The following RPS6KC1 variants were observed in gnomAD, a reference collection of about 807,000 sequenced individuals.
RPS6KC1 encodes the protein ribosomal protein S6 kinase C1.
Under a neutral mutation model 103.8 loss-of-function variants are expected in RPS6KC1, and 54 were observed. The observed-to-expected ratio is 0.52, with a 90% CI of 0.42 to 0.65. The LOEUF (loss-of-function observed/expected upper bound fraction) is 0.65, where lower values mean the gene tolerates loss of function less well. Ranked by LOEUF, RPS6KC1 falls within the 30% of genes least tolerant of loss-of-function variation. The pLI is 0.00. For synonymous variants in RPS6KC1, 439 were observed against 438.7 expected (o/e 1.00, Z -0.01); for missense variants, 1,151 against 1,253.8 (o/e 0.92, Z 1.24).
the RPS6KC1 span, chr1:213,820,270 G>A: frequency 1.4e-4 from 22 of 152,234 alleles, no homozygotes; most frequent in Admixed American, 1.4e-3. Context: ...GTGAAGAGGA[G>A]CTCTGCCTTC....
the RPS6KC1 span, among the ~76,000 whole-genome samples, chr1:213,530,188 T>G: frequency 6.6e-6 from 1 of 152,290 alleles, no homozygotes; most frequent in African/African-American, 2.4e-5. Context: ...TAAGACTAGC[T>G]CTTTCATTTT....
intron 8 of RPS6KC1, among the ~76,000 whole-genome samples, chr1:213,205,978 A>G (rs1020124530): frequency 1.3e-5 from 2 of 152,160 alleles, no homozygotes; most frequent in Non-Finnish European, 1.5e-5. Flanking sequence ...TTGGTGCTCA[A>G]AAAGTTTTAG....
chr1:213,493,813 T>C, the RPS6KC1 span, among the ~76,000 whole-genome samples: 5 of 152,128 alleles, frequency 3.3e-5, no homozygotes, highest in African/African-American at 4.8e-5. Flanking sequence ...TGTAGGGAAA[T>C]ACAGAGAGCA....
At chr1:213,257,345 T>C (rs2094671823) in intron 12 of RPS6KC1, among the ~76,000 whole-genome samples, 1 of 152,212 alleles carries the variant, frequency 6.6e-6, no homozygotes, top group African/African-American at 2.4e-5. Flanking sequence ...GGCAATCCTC[T>C]GCTCAGTTTT....
At position 213,272,416 on chromosome 1, in the gene RPS6KC1, A is replaced by G. The variant is rs2095066532; in HGVS notation, c.3091-108A>G. On this transcript the variant is annotated intron_variant, in intron 14 of 14. Coordinates refer to ENST00000366960, the MANE Select transcript of RPS6KC1 (RefSeq NM_012424.6). ...AATGGTCACTTGGCTATTAATCAAGACTGCTTGTTACCAGGGTTGAATTTA... is the reference window on the plus strand; with the variant it reads ...AATGGTCACTTGGCTATTAATCAAGGCTGCTTGTTACCAGGGTTGAATTTA... 4 of 796,558 alleles carry G rather than the reference A, an allele frequency of 5.0e-6. No homozygotes were observed. In the Admixed American group the frequency reaches 6.2e-5, roughly 12 times the overall value. The allele number at this position is 796,558 out of a possible 1,614,324, so 49.3% of individuals were successfully genotyped here.
chr1:213,740,445 A>G, the RPS6KC1 span, among the ~76,000 whole-genome samples: 1 of 152,126 alleles, frequency 6.6e-6, no homozygotes, highest in African/African-American at 2.4e-5. Flanking sequence ...ATATTAGCAC[A>G]GTTAACTCTT....
the RPS6KC1 span, among the ~76,000 whole-genome samples, chr1:213,735,386 C>A: frequency 2.0e-5 from 3 of 152,162 alleles, no homozygotes; most frequent in Non-Finnish European, 4.4e-5. Context: ...TCTGCCAACT[C>A]CCATGTTCTG....
At chr1:213,475,163 A>G in the RPS6KC1 span, among the ~76,000 whole-genome samples, 11 of 152,138 alleles carry the variant, frequency 7.2e-5, no homozygotes, top group Admixed American at 4.6e-4. Flanking sequence ...GCCATCTTGG[A>G]CAGACTTCTT....
intron 3 of RPS6KC1, among the ~76,000 whole-genome samples, chr1:213,095,547 C>T (rs1203623151): frequency 1.3e-5 from 2 of 152,196 alleles, no homozygotes; most frequent in South Asian, 2.1e-4. Context: ...TCCCTCCCCT[C>T]CACAGCTTTT....
chr1:213,539,754 T>C, the RPS6KC1 span, among the ~76,000 whole-genome samples: 1 of 152,010 alleles, frequency 6.6e-6, no homozygotes, highest in African/African-American at 2.4e-5. Context: ...GAGATCCGAG[T>C]TTCAGTTTAC....
the RPS6KC1 span, among the ~76,000 whole-genome samples, chr1:213,551,888 C>G: frequency 6.6e-6 from 1 of 152,198 alleles, no homozygotes; most frequent in African/African-American, 2.4e-5. Context: ...TTCTGGCAAC[C>G]ACTAATCTTT....
At chr1:213,279,115 G>C (rs1326353179), downstream of RPS6KC1, among the ~76,000 whole-genome samples, 2 of 152,114 alleles carry the variant, frequency 1.3e-5, no homozygotes, top group African/African-American at 4.8e-5. Flanking sequence ...ATGTTTCTTG[G>C]AGAGCTGGCA....
At chr1:213,659,635 GGGTTTTTTTTTTTTTAACTGCTTACTGGC>G in the RPS6KC1 span, among the ~76,000 whole-genome samples, 1 of 150,616 alleles carries the variant, frequency 6.6e-6, no homozygotes, top group Non-Finnish European at 1.5e-5. Context: ...CTTGTATTCA[GGGTTTTTTTTTTTTTAACTGCTTACTGGC>G]ATAAATGTTC....
chr1:213,660,693 C>A, the RPS6KC1 span, among the ~76,000 whole-genome samples: 2 of 138,730 alleles, frequency 1.4e-5, no homozygotes, highest in Non-Finnish European at 3.2e-5. Flanking sequence ...AATTATGGTT[C>A]ATTTATCCCT....
the RPS6KC1 span, among the ~76,000 whole-genome samples, chr1:213,450,213 T>C: frequency 6.6e-6 from 1 of 152,116 alleles, no homozygotes; most frequent in Non-Finnish European, 1.5e-5. Flanking sequence ...ATTACTGTGG[T>C]CAACTTTTTT....
At chr1:213,778,837 T>C in the RPS6KC1 span, among the ~76,000 whole-genome samples, 4 of 152,098 alleles carry the variant, frequency 2.6e-5, no homozygotes, top group Admixed American at 6.5e-5. Flanking sequence ...AGATTTGGTC[T>C]CTAGTCTCTG....
chr1:213,672,080 T>C, the RPS6KC1 span, among the ~76,000 whole-genome samples: 1 of 152,142 alleles, frequency 6.6e-6, no homozygotes, highest in African/African-American at 2.4e-5. Flanking sequence ...GGTTGTTCCT[T>C]CTCTTCCTCA....
intron 6 of RPS6KC1, among the ~76,000 whole-genome samples, chr1:213,133,441 A>G (rs767615960): frequency 7.2e-5 from 11 of 152,212 alleles, no homozygotes; most frequent in Non-Finnish European, 1.2e-4. Flanking sequence ...AAGGAACCCT[A>G]TAAGTTGAAC....
At chr1:213,095,573 G>A (rs905053448) in intron 3 of RPS6KC1, among the ~76,000 whole-genome samples, 1 of 152,158 alleles carries the variant, frequency 6.6e-6, no homozygotes, top group Non-Finnish European at 1.5e-5. Flanking sequence ...CCATTGTTGG[G>A]TGATTGGGAG....
Sources: allele counts gnomAD v4.1 joint callset (sites outside exome capture counted in the v4.1 genomes callset), GRCh38; gene constraint gnomAD v4.1.1; transcripts MANE v1.5; gene names NCBI Gene and HGNC (gene_info 2026-07-23, HGNC 2026-07-21).